The following CDHR2 variants were observed in gnomAD, a reference collection of about 807,000 sequenced individuals.
The protein encoded by CDHR2 is cadherin-related family member 2.
A neutral mutation model predicts 138.6 loss-of-function variants in CDHR2; 104 were observed. That is an observed-to-expected ratio of 0.75 (90% confidence interval 0.64 to 0.88). The LOEUF is 0.88. Among genes scored for constraint, CDHR2 ranks in the 40% least tolerant of loss-of-function variants. The pLI is 0.00. For missense variants in CDHR2, 1,624 were observed against 1,727.6 expected (o/e 0.94, Z 1.06); for synonymous variants, 755 against 742.8 (o/e 1.02, Z -0.27).
chr5:176,569,514 C>A (rs2113285839), intron 5 of CDHR2, among the ~76,000 whole-genome samples: 1 of 151,996 alleles, frequency 6.6e-6, no homozygotes, highest in Non-Finnish European at 1.5e-5. Flanking sequence ...GATCTCCTGA[C>A]CTTGTGATCC....
chr5:176,567,553 G>A (rs1367793302), intron 3 of CDHR2, among the ~76,000 whole-genome samples: 1 of 151,986 alleles, frequency 6.6e-6, no homozygotes, highest in African/African-American at 2.4e-5. Flanking sequence ...GTGCAGTGGT[G>A]CGATCTCAGC....
chr5:176,580,047 T>C (rs1758489142), intron 16 of CDHR2, among the ~76,000 whole-genome samples: 2 of 151,998 alleles, frequency 1.3e-5, no homozygotes, highest in African/African-American at 4.8e-5. Flanking sequence ...CGCTGTGTTA[T>C]CCACACTGGT....
Position 176,590,410 on chromosome 5 carries a change from G to A in CDHR2, c.3354-15G>A, listed in dbSNP as rs1320892873. 6.2e-7 allele frequency: 1 copy of A among 1,614,070 alleles called. No homozygotes were observed. The highest frequency in any genetic ancestry group is 1.3e-5 in the African/African-American group (1 of 74,918). The stretch of plus-strand genomic sequence containing the variant: ...TGCCAAGGTCCCTCGGGCCTAAGTG[G>A]AGTTCTGTGGCCAGGATGATCCGGA... On this transcript the variant is annotated splice_polypyrimidine_tract_variant and intron_variant, in intron 26 of 31. Coordinates refer to ENST00000261944, the MANE Select transcript of CDHR2 (RefSeq NM_017675.6).
rs6874172 is a variant in CDHR2, at chr5:176,568,465, G to A, written c.125-213G>A. On this transcript the variant is annotated intron_variant, in intron 3 of 31. Transcript: ENST00000261944. Reference sequence around the variant, plus strand: ...GGGTAGATGCCTGGGTACAGCCCCCGCCCCCTGCACTGTGTCCAGTGCCCA... The same window carrying A: ...GGGTAGATGCCTGGGTACAGCCCCCACCCCCTGCACTGTGTCCAGTGCCCA... 3.7e-3 allele frequency among the ~76,000 whole-genome samples: 569 copies of A among 152,312 alleles called. 7 individuals are homozygous for A. Among genetic ancestry groups the A allele is most frequent in the African/African-American group, 0.013 (538 of 41,580 alleles).
upstream of CDHR2, among the ~76,000 whole-genome samples, chr5:176,547,943 C>T (rs1485188354): frequency 1.3e-5 from 2 of 152,140 alleles, no homozygotes; most frequent in Admixed American, 6.5e-5. Context: ...ACGGGGACAC[C>T]TTCTGGGAAA....
In CDHR2 at chr5:176,577,652, T is replaced by A. The variant is rs766158385; in HGVS notation, c.1366T>A (p.Ser456Thr). 6.2e-7 allele frequency: 1 copy of A among 1,614,156 alleles called. No individual in the cohort carries two copies. Among genetic ancestry groups the A allele is most frequent in the Non-Finnish European group, 8.5e-7 (1 of 1,180,016 alleles). Residue 456 changes from serine to threonine, a missense_variant, in exon 14 of 32, where the codon TCC becomes ACC. Ser to Thr is a moderately conservative substitution (Grantham distance 58, BLOSUM62 1). This residue lies in a region of CDHR2 where 1,061 missense variants were observed against 1,136.6 expected (regional missense o/e 0.93). Transcript: ENST00000261944. ...CTGCCCCCAGGTTGTGGCCACAGAC[T>A]CCGTCAGCCAGAACTTCTCCGTCGC... ...AMAVQVVATD[S>T]VSQNFSVAMV...
intron 30 of CDHR2, among the ~76,000 whole-genome samples, chr5:176,591,959 C>T (rs866311319): frequency 9.1e-5 from 5 of 55,058 alleles, no homozygotes; most frequent in South Asian, 4.5e-4. Context: ...GTGATGATGA[C>T]GGTGGTGGTG....
intron 20 of CDHR2, 80 bp from the exon 21 acceptor site, chr5:176,586,713 T>C (rs1044814967): frequency 4.5e-6 from 6 of 1,330,242 alleles, no homozygotes; most frequent in Non-Finnish European, 4.2e-6. Flanking sequence ...GGATGAGCCC[T>C]GAGCTGGGCT....
chr5:176,588,455 GGGTGT>G (rs2113324924), intron 21 of CDHR2, among the ~76,000 whole-genome samples: 1 of 140,392 alleles, frequency 7.1e-6, no homozygotes, highest in East Asian at 2.1e-4. Flanking sequence ...GAGTGTGAGA[GGGTGT>G]GTGAGTGTAT....
intron 16 of CDHR2, among the ~76,000 whole-genome samples, chr5:176,580,711 C>T (rs1271426818): frequency 1.3e-5 from 2 of 151,092 alleles, no homozygotes; most frequent in African/African-American, 4.9e-5. Context: ...CCCATCTCTA[C>T]TAAAAAATAC....
chr5:176,549,930 G>A (rs980058976), intron 1 of CDHR2, among the ~76,000 whole-genome samples: 6 of 152,222 alleles, frequency 3.9e-5, no homozygotes, highest in African/African-American at 1.2e-4. Flanking sequence ...AGGTGAGCAT[G>A]TGGCCTATGA....
chr5:176,576,486 A>G lies in CDHR2; in HGVS notation c.1194+301A>G, dbSNP rs1179404504. The stretch of plus-strand genomic sequence containing the variant: ...TGGGTGGCTGGCGAGGTCTCCTGGC[A>G]TTGGGCGGCCATGATTTGGGTAGTC... On this transcript the variant is annotated intron_variant, in intron 12 of 31. Transcript: ENST00000261944. The surrounding 1 kb of genome is among the most constrained non-coding windows in gnomAD (Gnocchi z 4.5). Among the ~76,000 whole-genome samples, 2 of 151,654 alleles carry G rather than the reference A, an allele frequency of 1.3e-5. No individual in the cohort carries two copies. Among genetic ancestry groups the G allele is most frequent in the Non-Finnish European group, 2.9e-5 (2 of 67,954 alleles).
rs548393101 is a variant in CDHR2, at chr5:176,577,881, T to C, written c.1512+83T>C. The C allele has an allele frequency of 4.6e-6, 7 of 1,528,424 alleles. No individual in the cohort carries two copies. In the East Asian group the frequency reaches 1.4e-4, roughly 31 times the overall value. 94.7% of individuals were successfully genotyped at this position (1,528,424 alleles called of 1,614,324 possible). A position where few individuals can be genotyped will look rare whatever the true frequency, so the allele number is the denominator to read the frequency against. On this transcript the variant is annotated intron_variant, in intron 14 of 31. Transcript: ENST00000261944. ...GAGTGTGAGAGTGTGTGTGTGTGTA[T>C]GTGTGAGATGGGGGTGGCCATGAGT...
At chr5:176,546,029 T>C (rs1462983745), upstream of CDHR2, among the ~76,000 whole-genome samples, 2 of 152,040 alleles carry the variant, frequency 1.3e-5, no homozygotes, top group African/African-American at 4.8e-5. Flanking sequence ...GGGGCTTGGG[T>C]TGGGGTCTGC....
chr5:176,564,931 TTGAGAGAATGAACTC>T (rs1461170505), intron 1 of CDHR2, among the ~76,000 whole-genome samples: 21 of 152,094 alleles, frequency 1.4e-4, no homozygotes, highest in Admixed American at 1.4e-3. Context: ...GGTGCAGTGG[TTGAGAGAATGAACTC>T]TGGACTCCAA....
In CDHR2 at chr5:176,584,493, G is replaced by A. The variant is rs1398131203; in HGVS notation, c.2212G>A (p.Gly738Ser). ...CATCAGCTTCAGCCTGTCGGGGAGT[G>A]GTGCCAACTACTTCATGATCCGAGG... ...NRISFSLSGS[G>S]ANYFMIRGLV... Residue 738 changes from glycine (G) to serine (S), a missense_variant, in exon 19 of 32, where the codon GGT (glycine) becomes AGT (serine). Coordinates refer to ENST00000261944, the MANE Select transcript of CDHR2 (RefSeq NM_017675.6). 6 of 1,613,266 alleles carry A rather than the reference G, an allele frequency of 3.7e-6. No individual in the cohort carries two copies. The highest frequency in any genetic ancestry group is 5.1e-6 in the Non-Finnish European group (6 of 1,179,620).
intron 21 of CDHR2, among the ~76,000 whole-genome samples, chr5:176,588,601 GTGTGCATA>G (rs1758746332): frequency 6.6e-6 from 1 of 150,734 alleles, no homozygotes; most frequent in Non-Finnish European, 1.5e-5. Context: ...GTATGAGTGT[GTGTGCATA>G]TGTGTGTAAG....
chr5:176,574,598 G>A (rs572361589), intron 7 of CDHR2, among the ~76,000 whole-genome samples: 1 of 152,230 alleles, frequency 6.6e-6, no homozygotes, highest in African/African-American at 2.4e-5. Context: ...GGCTGCTCAA[G>A]TCCCTGACAT....
intron 17 of CDHR2, among the ~76,000 whole-genome samples, chr5:176,582,221 T>C (rs1192461901): frequency 2.6e-5 from 4 of 152,044 alleles, no homozygotes; most frequent in African/African-American, 4.8e-5. Flanking sequence ...GGTTTTTCCA[T>C]GTTGCCCAGG....
Sources: allele counts gnomAD v4.1 joint callset (sites outside exome capture counted in the v4.1 genomes callset), GRCh38; gene constraint gnomAD v4.1.1; regional missense constraint gnomAD v4.1.1; non-coding constraint Gnocchi (gnomAD v3.1); transcripts MANE v1.5; gene names NCBI Gene and HGNC (gene_info 2026-07-23, HGNC 2026-07-21).